The following IL1F10 variants were observed in gnomAD, a reference collection of about 807,000 sequenced individuals.
IL1F10 encodes the protein interleukin 1 family member 10.
A neutral mutation model predicts 13.1 loss-of-function variants in IL1F10; 13 were observed. The observed-to-expected ratio is 0.99, with a 90% CI of 0.64 to 1.57. IL1F10 has a LOEUF of 1.57. Ranked by LOEUF, IL1F10 falls within the 40% of genes most tolerant of loss-of-function variation. IL1F10 has a pLI of 0.00. For missense variants in IL1F10, 191 were observed against 184.1 expected (o/e 1.04, Z -0.22); for synonymous variants, 78 against 68.2 (o/e 1.14, Z -0.71).
intron 2 of IL1F10, among the ~76,000 whole-genome samples, chr2:113,073,405 A>G (rs1685873508): frequency 6.6e-6 from 1 of 152,172 alleles, no homozygotes; most frequent in African/African-American, 2.4e-5. Flanking sequence ...TGTCCTGGAC[A>G]AGGTGGGTGG....
intron 1 of IL1F10, among the ~76,000 whole-genome samples, chr2:113,071,527 C>A (rs559608950): frequency 6.6e-6 from 1 of 152,318 alleles, no homozygotes; most frequent in Non-Finnish European, 1.5e-5. Context: ...TTGTTAGTCC[C>A]TATTATCCTT....
At chr2:113,071,515 A>G (rs764448372) in intron 1 of IL1F10, among the ~76,000 whole-genome samples, 1 of 152,208 alleles carries the variant, frequency 6.6e-6, no homozygotes, top group Non-Finnish European at 1.5e-5. Context: ...CAGAATTTGC[A>G]CTTGTTAGTC....
intron 3 of IL1F10, 88 bp downstream of exon 3, chr2:113,074,502 A>T: frequency 1.7e-6 from 2 of 1,162,236 alleles, no homozygotes; most frequent in Non-Finnish European, 2.6e-6. Context: ...GAGGGTCAGC[A>T]GCTGCCCCCA....
rs546002657 is a variant in IL1F10 at position 113,072,992 on chromosome 2, G to A, written c.32+222G>A. On this transcript the variant is annotated intron_variant, in intron 2 of 4. Transcript: ENST00000341010. The stretch of plus-strand genomic sequence containing the variant: ...TCTCTGTTCCAAAAAGTCTGTAAGT[G>A]GAGTGTTATTAAACCCATTTTACAG... Among the ~76,000 whole-genome samples, 25 of 152,324 alleles carry A rather than the reference G, an allele frequency of 1.6e-4. No homozygotes were observed. In the South Asian group the frequency reaches 4.8e-3, roughly 29 times the overall value.
intron 1 of IL1F10, among the ~76,000 whole-genome samples, chr2:113,069,291 C>A (rs1471332655): frequency 1.1e-5 from 1 of 92,980 alleles, no homozygotes; most frequent in Admixed American, 1.0e-4. Context: ...TAGAGCTGGG[C>A]AGGGATGTGG....
chr2:113,075,496 A>G lies in IL1F10; in HGVS notation c.*132A>G. 1 of 586,010 alleles carries G rather than the reference A, an allele frequency of 1.7e-6. No homozygotes were observed. Among genetic ancestry groups the G allele is most frequent in the Non-Finnish European group, 2.8e-6 (1 of 352,546 alleles). The allele number at this position is 586,010 out of a possible 1,614,324, so 36.3% of individuals were successfully genotyped here. A position where few individuals can be genotyped will look rare whatever the true frequency, so the allele number is the denominator to read the frequency against. ...TCCCAAGATCTGTGCATATGTTACC[A>G]TACATGTCCAAAGAGGTTTTGCAAA... On this transcript the variant is annotated 3_prime_UTR_variant, in exon 5 of 5. Transcript: ENST00000341010.
At chr2:113,074,571 C>T in intron 3 of IL1F10, 152 bp from the exon 4 acceptor site, 1 of 1,128,498 alleles carries the variant, frequency 8.9e-7, no homozygotes, top group Non-Finnish European at 1.4e-6. Flanking sequence ...GGACATGACT[C>T]CTGCAGAAGT....
At chr2:113,071,860 A>G (rs894170934) in intron 1 of IL1F10, among the ~76,000 whole-genome samples, 14 of 151,970 alleles carry the variant, frequency 9.2e-5, no homozygotes, top group African/African-American at 3.1e-4. Context: ...AATCAGATCT[A>G]CTCGGTAAAC....
chr2:113,075,038 C>T (rs1191400697), intron 4 of IL1F10, 114 bp from the exon 5 acceptor site: 7 of 1,247,980 alleles, frequency 5.6e-6, no homozygotes, highest in Non-Finnish European at 6.7e-6. Flanking sequence ...GAAGGCAGTC[C>T]CTTGGGTAAA....
chr2:113,072,809 G>T (rs757895112), intron 2 of IL1F10, 39 bp downstream of exon 2: 15 of 1,579,810 alleles, frequency 9.5e-6, no homozygotes, highest in African/African-American at 1.3e-5. Flanking sequence ...CCAAGCCAGG[G>T]GGTCAGGGTG....
chr2:113,074,243 G>C, intron 2 of IL1F10, 86 bp from the exon 3 acceptor site: 1 of 829,308 alleles, frequency 1.2e-6, no homozygotes, highest in Non-Finnish European at 2.1e-6. Context: ...TGCTCAAGGT[G>C]GTGATTCAGA....
chr2:113,068,602 G>A (rs947971584), intron 1 of IL1F10, among the ~76,000 whole-genome samples: 3 of 152,194 alleles, frequency 2.0e-5, no homozygotes, highest in African/African-American at 4.8e-5. Context: ...TAAATTGGTA[G>A]CAGAGCTAGG....
intron 1 of IL1F10, among the ~76,000 whole-genome samples, chr2:113,071,343 A>AT (rs1185303578): frequency 1.3e-5 from 2 of 152,200 alleles, no homozygotes; most frequent in Non-Finnish European, 2.9e-5. Flanking sequence ...GAAAATTCAG[A>AT]TTTTTTTCAA....
Position 113,072,457 on chromosome 2 carries a change from C to T in IL1F10, c.-28-254C>T, listed in dbSNP as rs978360102. 16 of 417,390 alleles carry T rather than the reference C, an allele frequency of 3.8e-5. 1 individual carries two copies. Among genetic ancestry groups the T allele is most frequent in the African/African-American group, 6.2e-5 (3 of 48,482 alleles). The allele number at this position is 417,390 out of a possible 1,614,324, so 25.9% of individuals were successfully genotyped here. On this transcript the variant is annotated intron_variant, in intron 1 of 4. Transcript: ENST00000341010. ...CTGTTTTCCAGTTTCTCAGAACCAG[C>T]GCAAGCACACACATCCCAGGCTCAC... is the stretch of plus-strand genomic sequence containing the variant.
At chr2:113,073,124 C>T (rs549358338) in intron 2 of IL1F10, among the ~76,000 whole-genome samples, 85 of 152,308 alleles carry the variant, frequency 5.6e-4, no homozygotes, top group Non-Finnish European at 8.8e-4. Flanking sequence ...CTGCTCCATC[C>T]GCCTCTCTGA....
At chr2:113,071,259 T>C (rs1685829927) in intron 1 of IL1F10, among the ~76,000 whole-genome samples, 1 of 152,230 alleles carries the variant, frequency 6.6e-6, no homozygotes, top group South Asian at 2.1e-4. Context: ...GCTTCTATAA[T>C]ATCATCTTTA....
intron 1 of IL1F10, among the ~76,000 whole-genome samples, chr2:113,069,903 T>C (rs1685800926): frequency 6.6e-6 from 1 of 152,160 alleles, no homozygotes; most frequent in Admixed American, 6.5e-5. Context: ...ATCAAAAGAA[T>C]CTCTGGATCT....
In IL1F10 at chr2:113,074,764, A is replaced by G. The variant is rs1685906940; in HGVS notation, c.160A>G (p.Lys54Glu). Residue 54 changes from lysine (K) to glutamate (E), a missense_variant, in exon 4 of 5, where the codon AAG (lysine) becomes GAG (glutamate). Lys to Glu is a moderately conservative substitution (Grantham distance 56, BLOSUM62 1). Transcript: ENST00000341010. Reference sequence around the variant, plus strand: ...TCCTAACAGAGGCTTGGCCCGCACCAAGGTCCCCATTTTCCTGGGGATCCA... The same window carrying G: ...TCCTAACAGAGGCTTGGCCCGCACCGAGGTCCCCATTTTCCTGGGGATCCA... ...ILPNRGLART[K>E]VPIFLGIQGG... 3 of 1,613,490 alleles carry G rather than the reference A, an allele frequency of 1.9e-6. No homozygotes were observed. The highest frequency in any genetic ancestry group is 1.7e-4 in the Middle Eastern group (1 of 6,020).
chr2:113,073,650 G>A (rs887375215), intron 2 of IL1F10, among the ~76,000 whole-genome samples: 1 of 152,210 alleles, frequency 6.6e-6, no homozygotes, highest in African/African-American at 2.4e-5. Context: ...TATTGTACAA[G>A]TGAACCTGCT....
Sources: gnomAD v4.1 joint callset for allele counts (sites outside exome capture counted in the v4.1 genomes callset) on GRCh38, gnomAD v4.1.1 for gene constraint, MANE v1.5 for transcripts, NCBI Gene and HGNC (gene_info 2026-07-23, HGNC 2026-07-21) for gene names.